The following OBSL1 variants were observed in gnomAD, a reference collection of about 807,000 sequenced individuals.
The protein encoded by OBSL1 is obscurin-like protein 1.
A neutral mutation model predicts 172.0 loss-of-function variants in OBSL1; 160 were observed. The ratio of observed to expected loss-of-function variants is 0.93; its 90% CI spans 0.82 to 1.06. The LOEUF is 1.06. OBSL1 is among the 50% of genes least tolerant of loss of function. The pLI is 0.00. For synonymous variants in OBSL1, 1,200 were observed against 1,196.3 expected (o/e 1.00, Z -0.06); for missense variants, 2,681 against 2,715.4 (o/e 0.99, Z 0.28).
rs2106073097 is a variant in OBSL1, at chr2:219,563,425, C to T, written c.2610G>A (p.Gln870=). The T allele has an allele frequency of 3.1e-6, 5 of 1,613,080 alleles. No homozygotes were observed. Among genetic ancestry groups the T allele is most frequent in the Non-Finnish European group, 4.2e-6 (5 of 1,179,294 alleles). The change falls in exon 7 of 21, where the codon CAG becomes CAA. Residue 870 remains glutamine (Q), a synonymous_variant. Transcript: ENST00000404537. ...PHRRLVLPAT[Q]PSDGGEFQCV... The stretch of plus-strand genomic sequence containing the variant: ...ACTGAAACTCGCCCCCGTCTGAGGG[C>T]TGGGTGGCGGGCAGCACCAGGCGGC...
chr2:219,551,243 C>G, intron 20 of OBSL1: 3 of 1,395,112 alleles, frequency 2.2e-6, no homozygotes, highest in Non-Finnish European at 2.8e-6. Flanking sequence ...CAGGGCTGTT[C>G]AAGAGAGACA....
rs1696951072 is a variant in OBSL1, at chr2:219,567,048, A to G, written c.1916T>C (p.Leu639Pro). Residue 639 changes from leucine to proline, a missense_variant, in exon 5 of 21, where the codon CTC (leucine) becomes CCC (proline). By Grantham distance (98) the Leu-to-Pro change is moderately conservative. Transcript: ENST00000404537. ...CCAGGTACCCTGGATGATGGTGGAG[A>G]GATCGAGGGAGAAGACGGCATCTTC... ...DGEDAVFSLD[L>P]STIIQGTWFL... 6.2e-7 allele frequency: 1 copy of G among 1,613,372 alleles called. No individual in the cohort carries two copies. Among genetic ancestry groups the G allele is most frequent in the South Asian group, 1.1e-5 (1 of 91,034 alleles).
Position 219,567,383 on chromosome 2 carries a change from T to C in OBSL1, c.1727A>G (p.Glu576Gly). The change falls in exon 4 of 21, where the codon GAG (glutamate) becomes GGG (glycine). Residue 576 changes from glutamate (E) to glycine (G), a missense_variant. Glu to Gly is a moderately conservative substitution (Grantham distance 98). Transcript: ENST00000404537. ...CFSIEKAGAV[E>G]VPGDCVPSEG... Reference sequence around the variant, plus strand: ...GGAGGGCACACAGTCGCCCGGCACCTCCACGGCTCCGGCTTTCTCGATGCT... The same window carrying C: ...GGAGGGCACACAGTCGCCCGGCACCCCCACGGCTCCGGCTTTCTCGATGCT... 1 of 1,612,974 alleles carries C rather than the reference T, an allele frequency of 6.2e-7. No individual in the cohort carries two copies. Among genetic ancestry groups the C allele is most frequent in the Non-Finnish European group, 8.5e-7 (1 of 1,179,466 alleles).
chr2:219,561,675 A>G, intron 8 of OBSL1: 1 of 578,466 alleles, frequency 1.7e-6, no homozygotes, highest in Non-Finnish European at 3.1e-6. Flanking sequence ...TGTGCTCTTG[A>G]GCCCTCTGCC....
At chr2:219,563,285 GTGT>G (rs1464505616) in intron 7 of OBSL1, 67 bp downstream of exon 7, 65 of 1,431,486 alleles carry the variant, frequency 4.5e-5, no homozygotes, top group Non-Finnish European at 5.8e-5. Context: ...GGGAGTGAAG[GTGT>G]GGCAGCTGTT....
downstream of OBSL1, chr2:219,550,643 A>T: frequency 1.5e-6 from 1 of 680,568 alleles, no homozygotes; most frequent in African/African-American, 1.8e-5. Flanking sequence ...TACAAGCACT[A>T]CAGCCCTCGG....
chr2:219,562,741 G>A, intron 7 of OBSL1, 67 bp from the exon 8 acceptor site: 1 of 1,475,946 alleles, frequency 6.8e-7, no homozygotes, highest in Non-Finnish European at 9.0e-7. Context: ...TGACCCCGTT[G>A]TGTTCCCTAC....
At position 219,565,516 on chromosome 2, in the gene OBSL1, T is replaced by A; in HGVS notation, c.2135-2A>T. 3 of 1,604,264 alleles carry A rather than the reference T, an allele frequency of 1.9e-6. No homozygotes were observed. In the South Asian group the frequency reaches 3.3e-5, roughly 18 times the overall value. ...GGCTCAGGATGTGCACCGGGCTCTCTGTGTGGGGAGAAGTACAGATAAGCA... is the reference window on the plus strand; with the variant it reads ...GGCTCAGGATGTGCACCGGGCTCTCAGTGTGGGGAGAAGTACAGATAAGCA... On this transcript the variant is annotated splice_acceptor_variant, in intron 5 of 20. Transcript: ENST00000404537. LOFTEE classifies it high-confidence loss of function.
At chr2:219,550,097 TGTGA>T, downstream of OBSL1, 1 of 503,088 alleles carries the variant, frequency 2.0e-6, no homozygotes, top group Admixed American at 3.4e-5. Flanking sequence ...TGCTCAGGGT[TGTGA>T]GTGTGTTGCC....
intron 8 of OBSL1, chr2:219,561,645 CCT>C (rs1696477690): frequency 1.0e-5 from 4 of 391,532 alleles, no homozygotes; most frequent in South Asian, 7.2e-5. Context: ...TTCTCCCAGG[CCT>C]CCCTGACCCT....
chr2:219,562,290 C>T (rs1696535413), intron 8 of OBSL1, 112 bp downstream of exon 8: 4 of 1,350,658 alleles, frequency 3.0e-6, no homozygotes, highest in Middle Eastern at 2.4e-4. Flanking sequence ...GGCACATGCA[C>T]CTGCAGCCCA....
In OBSL1 at chr2:219,562,411, T is replaced by C. The variant is rs779798161; in HGVS notation, c.2944A>G (p.Thr982Ala). Reference sequence around the variant, plus strand: ...TGGGCTGGGCCCACACCTGTGACGGTGACAGTGAAGGAGGCCGACTCATCG... The same window carrying C: ...TGGGCTGGGCCCACACCTGTGACGGCGACAGTGAAGGAGGCCGACTCATCG... The part of the protein sequence containing the change: ...IDDESASFTV[T>A]VTEPPVRIIY... The change falls in exon 8 of 21, where the codon ACC (threonine) becomes GCC (alanine). Residue 982 changes from threonine (T) to alanine (A), a missense_variant. This residue lies in a region of OBSL1 where 1,765 missense variants were observed against 1,748.3 expected (regional missense o/e 1.01). Coordinates refer to ENST00000404537, the MANE Select transcript of OBSL1 (RefSeq NM_015311.3). 1.9e-6 allele frequency: 3 copies of C among 1,613,292 alleles called. No individual in the cohort carries two copies. The highest frequency in any genetic ancestry group is 1.7e-5 in the Admixed American group (1 of 59,998).
At chr2:219,547,602 C>G, downstream of OBSL1, 4 of 1,482,338 alleles carry the variant, frequency 2.7e-6, no homozygotes, top group East Asian at 7.2e-5. Context: ...GTGCTAGAGA[C>G]ACAGCTGAGT....
At chr2:219,549,180 G>A (rs760934674), downstream of OBSL1, 3 of 1,613,982 alleles carry the variant, frequency 1.9e-6, no homozygotes, top group South Asian at 1.1e-5. Flanking sequence ...GCCGACGCGT[G>A]CAACTGATGC....
rs566593485 is a variant in OBSL1, at chr2:219,567,754, C to G, written c.1498G>C (p.Gly500Arg). 1 of 1,613,244 alleles carries G rather than the reference C, an allele frequency of 6.2e-7. No homozygotes were observed. Among genetic ancestry groups the G allele is most frequent in the African/African-American group, 1.3e-5 (1 of 74,898 alleles). ...EDAGEVTFSL[G>R]NSRTTTLLRV... ...AGAAGCGTAGTGGTACGGGAGTTGC[C>G]CAGGCTAAAGGTGACCTCGCCAGCA... Residue 500 changes from glycine to arginine, a missense_variant, in exon 3 of 21, where the codon GGC (glycine) becomes CGC (arginine). Transcript: ENST00000404537.
In OBSL1 at chr2:219,554,092, A is replaced by C. The variant is rs1695831314; in HGVS notation, c.4876+382T>G. ...GCAGTCAGTGGATTCAAGGGACTGG[A>C]GTGGTCACGGGGCCCACACTTAGGC... On this transcript the variant is annotated intron_variant, in intron 15 of 20. Coordinates refer to ENST00000404537, the MANE Select transcript of OBSL1 (RefSeq NM_015311.3). The C allele has an allele frequency of 9.9e-6, 4 of 402,968 alleles. No individual in the cohort carries two copies. The South Asian group carries it at 1.3e-4, about 13-fold the overall frequency. 25.0% of individuals were successfully genotyped at this position (402,968 alleles called of 1,614,324 possible). A position where few individuals can be genotyped will look rare whatever the true frequency, so the allele number is the denominator to read the frequency against.
Position 219,562,575 on chromosome 2 carries a change from G to A in OBSL1, c.2780C>T (p.Ala927Val), listed in dbSNP as rs578172389. 4.6e-5 allele frequency: 75 copies of A among 1,613,020 alleles called. No homozygotes were observed. The South Asian group carries it at 8.2e-4, about 18-fold the overall frequency. The part of the protein sequence containing the change: ...VLTCELCRPW[A>V]EVRWTKDGEE... ...TCCATCCTTGGTCCAGCGCACCTCT[G>A]CCCAGGGCCGGCATAGCTCACAGGT... Residue 927 changes from alanine (A) to valine (V), a missense_variant, in exon 8 of 21, where the codon GCA becomes GTA. Physicochemically the swap from Ala to Val is moderately conservative, Grantham distance 64 (BLOSUM62 0). This residue lies in a region of OBSL1 where 1,765 missense variants were observed against 1,748.3 expected (regional missense o/e 1.01). Coordinates refer to ENST00000404537, the MANE Select transcript of OBSL1 (RefSeq NM_015311.3).
intron 8 of OBSL1, chr2:219,561,934 G>A (rs778192989): frequency 3.5e-5 from 25 of 717,390 alleles, no homozygotes; most frequent in Admixed American, 1.4e-4. Flanking sequence ...GACCAGAGCC[G>A]CCGGGTCTTC....
At position 219,567,404 on chromosome 2, in the gene OBSL1, A is replaced by G; in HGVS notation, c.1706T>C (p.Ile569Thr). The change falls in exon 4 of 21, where the codon ATC becomes ACC. Residue 569 changes from isoleucine to threonine, a missense_variant. Physicochemically the swap from Ile to Thr is moderately conservative, Grantham distance 89. Transcript: ENST00000404537. ...GSEDWIQCFS[I>T]EKAGAVEVPG... ...CACCTCCACGGCTCCGGCTTTCTCGATGCTGAAGCACTGAATCCAGTCTTC... is the reference window on the plus strand; with the variant it reads ...CACCTCCACGGCTCCGGCTTTCTCGGTGCTGAAGCACTGAATCCAGTCTTC... 1 of 1,613,136 alleles carries G rather than the reference A, an allele frequency of 6.2e-7. No homozygotes were observed. The highest frequency in any genetic ancestry group is 1.7e-5 in the Admixed American group (1 of 59,918).
Sources: gnomAD v4.1 joint callset for allele counts on GRCh38, gnomAD v4.1.1 for gene constraint, gnomAD v4.1.1 regional missense constraint, MANE v1.5 for transcripts, NCBI Gene and HGNC (gene_info 2026-07-23, HGNC 2026-07-21) for gene names.